The following CFAP53 variants were observed in gnomAD, a reference collection of about 807,000 sequenced individuals.
CFAP53 encodes cilia- and flagella-associated protein 53.
In CFAP53, 62 loss-of-function variants were observed where a neutral mutation model predicts 59.7. The ratio of observed to expected loss-of-function variants is 1.04; its 90% CI spans 0.85 to 1.28. The LOEUF is 1.28. Ranked by LOEUF, CFAP53 falls within the 50% of genes most tolerant of loss-of-function variation. The pLI, the probability that CFAP53 is intolerant of heterozygous loss-of-function variation, is 0.00. For missense variants in CFAP53, 629 were observed against 615.6 expected (o/e 1.02, Z -0.23); for synonymous variants, 218 against 205.7 (o/e 1.06, Z -0.51).
At chr18:50,238,819 C>T in intron 6 of CFAP53, 114 bp from the exon 7 acceptor site, 1 of 714,388 alleles carries the variant, frequency 1.4e-6, no homozygotes, top group Non-Finnish European at 2.3e-6. Flanking sequence ...AGAATCAAGG[C>T]TGGATCTTAG....
At chr18:50,243,189 A>T (rs2033709825) in intron 5 of CFAP53, 73 bp from the exon 6 acceptor site, 4 of 1,050,986 alleles carry the variant, frequency 3.8e-6, no homozygotes, top group Non-Finnish European at 5.7e-6. Context: ...TTTAAAAAAA[A>T]TCTTTAAAAG....
At chr18:50,251,999 T>C (rs1391150801) in intron 3 of CFAP53, among the ~76,000 whole-genome samples, 1 of 152,210 alleles carries the variant, frequency 6.6e-6, no homozygotes, top group South Asian at 2.1e-4. Context: ...AAGGCAGCCC[T>C]GACTCCATTT....
intron 7 of CFAP53, among the ~76,000 whole-genome samples, chr18:50,234,283 T>C (rs1192779640): frequency 1.3e-5 from 2 of 152,214 alleles, no homozygotes; most frequent in African/African-American, 2.4e-5. Context: ...GGATAGAATA[T>C]ATAGGAATAG....
At chr18:50,241,686 G>C (rs1254349174) in intron 6 of CFAP53, among the ~76,000 whole-genome samples, 1 of 152,022 alleles carries the variant, frequency 6.6e-6, no homozygotes, top group Non-Finnish European at 1.5e-5. Flanking sequence ...TTTTTTTTTA[G>C]GGATTTTGAA....
chr18:50,234,429 C>A (rs1312421611), intron 7 of CFAP53, among the ~76,000 whole-genome samples: 3 of 152,164 alleles, frequency 2.0e-5, no homozygotes, highest in Admixed American at 6.5e-5. Flanking sequence ...ACTTTCCTCC[C>A]TTATGCATGA....
intron 3 of CFAP53, among the ~76,000 whole-genome samples, chr18:50,257,526 T>A (rs1189598545): frequency 6.6e-6 from 1 of 152,100 alleles, no homozygotes; most frequent in Non-Finnish European, 1.5e-5. Flanking sequence ...ACAATAGCCA[T>A]AAATAAAATT....
At chr18:50,237,067 G>A (rs1227767150) in intron 7 of CFAP53, among the ~76,000 whole-genome samples, 1 of 151,388 alleles carries the variant, frequency 6.6e-6, no homozygotes, top group Non-Finnish European at 1.5e-5. Flanking sequence ...AGCACTTTGG[G>A]AGTCCGAGGT....
At chr18:50,238,121 G>A (rs749452039) in intron 7 of CFAP53, among the ~76,000 whole-genome samples, 1 of 152,164 alleles carries the variant, frequency 6.6e-6, no homozygotes, top group Non-Finnish European at 1.5e-5. Flanking sequence ...ATTTTACCAA[G>A]ACAGTTGGTG....
chr18:50,255,175 A>G (rs1011867822), intron 3 of CFAP53, among the ~76,000 whole-genome samples: 3 of 152,234 alleles, frequency 2.0e-5, no homozygotes, highest in African/African-American at 7.2e-5. Context: ...TGTTGAGTGA[A>G]AAAGGCCAAT....
chr18:50,260,237 T>C (rs949129016), intron 3 of CFAP53, among the ~76,000 whole-genome samples: 29 of 152,202 alleles, frequency 1.9e-4, no homozygotes, highest in Non-Finnish European at 3.8e-4. Flanking sequence ...ATTGAGTAGA[T>C]TGAGTACAGT....
chr18:50,233,703 C>T (rs530450218), intron 7 of CFAP53, among the ~76,000 whole-genome samples: 1 of 152,242 alleles, frequency 6.6e-6, no homozygotes, highest in Non-Finnish European at 1.5e-5. Flanking sequence ...GGCACTTACT[C>T]CTCCCAGTAA....
intron 2 of CFAP53, 104 bp downstream of exon 2, chr18:50,261,880 TATAAAC>T: frequency 1.4e-6 from 1 of 728,146 alleles, no homozygotes; most frequent in Non-Finnish European, 2.3e-6. Context: ...ATGGATTTAA[TATAAAC>T]ATCTCAGCCA....
Position 50,227,530 on chromosome 18 carries a change from T to C in CFAP53, c.1396A>G (p.Lys466Glu). The change falls in exon 8 of 8, where the codon AAG (lysine) becomes GAG (glutamate). Residue 466 changes from lysine (K) to glutamate (E), a missense_variant. Coordinates refer to ENST00000398545, the MANE Select transcript of CFAP53 (RefSeq NM_145020.5). Reference sequence around the variant, plus strand: ...TCAAACTCTCGGCGTTTCTCTTCCTTCTCTGCTTCTTGGGACTGCTGCTGG... The same window carrying C: ...TCAAACTCTCGGCGTTTCTCTTCCTCCTCTGCTTCTTGGGACTGCTGCTGG... Reference protein sequence around the residue: ...AYQQQSQEAEKEEKRREFEAG... With the variant: ...AYQQQSQEAEEEEKRREFEAG... 6.2e-7 allele frequency: 1 copy of C among 1,614,182 alleles called. No individual in the cohort carries two copies.
At chr18:50,235,954 T>C (rs768759984) in intron 7 of CFAP53, among the ~76,000 whole-genome samples, 5 of 152,276 alleles carry the variant, frequency 3.3e-5, no homozygotes, top group Admixed American at 6.5e-5. Flanking sequence ...TTGGGGGAAA[T>C]GTAGAATCCT....
At chr18:50,255,084 C>T (rs915586966) in intron 3 of CFAP53, among the ~76,000 whole-genome samples, 13 of 152,200 alleles carry the variant, frequency 8.5e-5, no homozygotes, top group Non-Finnish European at 2.9e-5. Context: ...GAGGTACATT[C>T]ATGCAATGGA....
chr18:50,236,533 C>T (rs2033635042), intron 7 of CFAP53, among the ~76,000 whole-genome samples: 1 of 152,146 alleles, frequency 6.6e-6, no homozygotes, highest in African/African-American at 2.4e-5. Context: ...CTGCTTCTTC[C>T]TAGCTCTTGG....
intron 3 of CFAP53, among the ~76,000 whole-genome samples, chr18:50,254,905 CAA>C (rs1255073283): frequency 2.0e-5 from 3 of 152,054 alleles, no homozygotes; most frequent in Admixed American, 6.6e-5. Context: ...CAAAACAAAA[CAA>C]ATTTGCATAT....
chr18:50,237,073 G>A (rs893009642), intron 7 of CFAP53, among the ~76,000 whole-genome samples: 16 of 151,252 alleles, frequency 1.1e-4, no homozygotes, highest in South Asian at 4.2e-4. Flanking sequence ...TTGGGAGTCC[G>A]AGGTGGGTGG....
rs756777626 is a variant in CFAP53 at position 50,266,440 on chromosome 18, C to T, written c.-36G>A. ...CCTTCGGGACGGGGGCGGCGTCCGC[C>T]GCGTTTCCCCCAACCGTGGCGACCT... is the stretch of plus-strand genomic sequence containing the variant. On this transcript the variant is annotated 5_prime_UTR_variant, in exon 1 of 8. Transcript: ENST00000398545. The T allele has an allele frequency of 2.1e-5, 33 of 1,606,916 alleles. No homozygotes were observed. The highest frequency in any genetic ancestry group is 2.7e-5 in the African/African-American group (2 of 74,812).
Sources: allele counts gnomAD v4.1 joint callset (sites outside exome capture counted in the v4.1 genomes callset), GRCh38; gene constraint gnomAD v4.1.1; transcripts MANE v1.5; gene names NCBI Gene and HGNC (gene_info 2026-07-23, HGNC 2026-07-21).